The following CFAP54 variants were observed in gnomAD, a reference collection of about 807,000 sequenced individuals.
CFAP54 encodes cilia- and flagella-associated protein 54.
In CFAP54, 290 loss-of-function variants were observed where a neutral mutation model predicts 370.4. The ratio of observed to expected loss-of-function variants is 0.78; its 90% CI spans 0.71 to 0.86. CFAP54 has a LOEUF of 0.86. Among genes scored for constraint, CFAP54 ranks in the 40% least tolerant of loss-of-function variants. The probability of loss-of-function intolerance (pLI) is 0.00; values close to 1 mark genes in which losing one functional copy is unlikely to be tolerated. For missense variants in CFAP54, 3,399 were observed against 3,528.7 expected, an observed-to-expected ratio of 0.96 and a Z score of 0.93; for synonymous variants, 1,206 against 1,236.5, an observed-to-expected ratio of 0.98 and a Z score of 0.52.
At chr12:96,703,731 G>A (rs368264465) in intron 46 of CFAP54, among the ~76,000 whole-genome samples, 1 of 152,014 alleles carries the variant, frequency 6.6e-6, no homozygotes, top group Non-Finnish European at 1.5e-5. Flanking sequence ...AACTGGTAAC[G>A]ATTTTTTTAA....
chr12:96,627,445 C>T (rs948935296), intron 30 of CFAP54, among the ~76,000 whole-genome samples: 2 of 152,192 alleles, frequency 1.3e-5, no homozygotes, highest in African/African-American at 4.8e-5. Flanking sequence ...GTGCTTCACA[C>T]CAATTATGAG....
intron 63 of CFAP54, among the ~76,000 whole-genome samples, chr12:96,796,579 A>G (rs972503287): frequency 6.6e-6 from 1 of 152,132 alleles, no homozygotes; most frequent in Admixed American, 6.5e-5. Flanking sequence ...AAGTGGTGTC[A>G]GTTCTGATTG....
At chr12:96,490,180 C>T (rs909141040) in intron 1 of CFAP54, among the ~76,000 whole-genome samples, 19 of 152,186 alleles carry the variant, frequency 1.2e-4, no homozygotes, top group Non-Finnish European at 2.6e-4. Context: ...TTTCATAACT[C>T]ACCATTTGTT....
chr12:96,715,862 G>T (rs1297539148), intron 48 of CFAP54, among the ~76,000 whole-genome samples: 1 of 151,502 alleles, frequency 6.6e-6, no homozygotes, highest in Non-Finnish European at 1.5e-5. Flanking sequence ...CATATTTTGT[G>T]CCCTTTTTAT....
At chr12:96,537,565 C>G (rs1242005807) in intron 12 of CFAP54, among the ~76,000 whole-genome samples, 1 of 152,108 alleles carries the variant, frequency 6.6e-6, no homozygotes, top group African/African-American at 2.4e-5. Context: ...TGGTCTTGAA[C>G]TCCTGACCTC....
chr12:96,504,865 C>T (rs907022363), intron 3 of CFAP54, among the ~76,000 whole-genome samples: 6 of 152,176 alleles, frequency 3.9e-5, no homozygotes, highest in African/African-American at 1.4e-4. Context: ...TCCTACTCCC[C>T]TTTTTGTAGC....
chr12:96,792,794 T>C (rs996735648), intron 63 of CFAP54, among the ~76,000 whole-genome samples: 31 of 152,172 alleles, frequency 2.0e-4, no homozygotes, highest in African/African-American at 7.2e-4. Context: ...TGTTAAAGAA[T>C]TTTTTTACTG....
chr12:96,834,080 A>C (rs1959178700), intron 66 of CFAP54, among the ~76,000 whole-genome samples: 1 of 152,164 alleles, frequency 6.6e-6, no homozygotes, highest in Admixed American at 6.5e-5. Context: ...TAGGTGTTTT[A>C]CTAGAATAGT....
intron 24 of CFAP54, 67 bp downstream of exon 24, chr12:96,592,704 C>A: frequency 1.8e-6 from 1 of 546,096 alleles, no homozygotes; most frequent in Non-Finnish European, 2.8e-6. Context: ...GTTTTAAGAT[C>A]ATGTTTTTTG....
At chr12:96,865,439 A>G (rs1565767046) in intron 67 of CFAP54, among the ~76,000 whole-genome samples, 1 of 152,202 alleles carries the variant, frequency 6.6e-6, no homozygotes, top group Non-Finnish European at 1.5e-5. Context: ...GCAAAACAAC[A>G]TAATACAGTA....
At chr12:96,604,368 G>A (rs1956278734) in intron 26 of CFAP54, among the ~76,000 whole-genome samples, 1 of 152,166 alleles carries the variant, frequency 6.6e-6, no homozygotes, top group African/African-American at 2.4e-5. Context: ...GTGTCTGTTG[G>A]CCCTACTGGC....
At chr12:96,633,185 T>C (rs77158785) in intron 32 of CFAP54, among the ~76,000 whole-genome samples, 14,871 of 152,240 alleles carry the variant, frequency 0.098, 902 homozygotes, top group Middle Eastern at 0.16. Context: ...AGCCTCTTCT[T>C]TCCTTTTCGT....
In CFAP54 at chr12:96,594,392, T is replaced by TG. The variant is rs1321874095; in HGVS notation, c.3464dup (p.Leu1156ThrfsTer43). Reference sequence around the variant, plus strand: ...CCCTTCAAGCTGTGACTCAATGTTATGGACTTCTTGCTCCCATAATTTATC... The same window carrying TG: ...CCCTTCAAGCTGTGACTCAATGTTATGGGACTTCTTGCTCCCATAATTTATC... On this transcript the variant is annotated frameshift_variant, in exon 25 of 68. Coordinates refer to ENST00000524981, the MANE Select transcript of CFAP54 (RefSeq NM_001306084.2). LOFTEE classifies it high-confidence loss of function. 6.5e-6 allele frequency: 10 copies of TG among 1,534,572 alleles called. No homozygotes were observed. In the African/African-American group the frequency reaches 1.4e-4, roughly 21 times the overall value.
At chr12:96,638,922 T>C in intron 32 of CFAP54, among the ~76,000 whole-genome samples, 1 of 152,238 alleles carries the variant, frequency 6.6e-6, no homozygotes, top group East Asian at 1.9e-4. Context: ...TATTTGTGTC[T>C]CTATTTCCTT....
intron 9 of CFAP54, among the ~76,000 whole-genome samples, chr12:96,530,266 G>T (rs1037717331): frequency 6.6e-6 from 1 of 152,212 alleles, no homozygotes; most frequent in Non-Finnish European, 1.5e-5. Flanking sequence ...AAGACGAGCT[G>T]ATCCCTTGAG....
At chr12:96,612,414 G>A (rs1487247931) in intron 26 of CFAP54, among the ~76,000 whole-genome samples, 2 of 152,192 alleles carry the variant, frequency 1.3e-5, no homozygotes, top group African/African-American at 2.4e-5. Context: ...GGAACAACCA[G>A]TACCAGCCAC....
chr12:96,638,911 G>A (rs1956693112), intron 32 of CFAP54, among the ~76,000 whole-genome samples: 4 of 152,122 alleles, frequency 2.6e-5, no homozygotes, highest in African/African-American at 7.2e-5. Flanking sequence ...ATTAAGAATG[G>A]TATTTGTGTC....
chr12:96,568,494 C>G (rs908281170), intron 19 of CFAP54, among the ~76,000 whole-genome samples: 1 of 152,148 alleles, frequency 6.6e-6, no homozygotes, highest in Non-Finnish European at 1.5e-5. Context: ...GCTTAATGAT[C>G]AGTCCTCAGG....
chr12:96,558,219 G>A (rs888677282), intron 17 of CFAP54, among the ~76,000 whole-genome samples: 3 of 151,924 alleles, frequency 2.0e-5, no homozygotes, highest in Non-Finnish European at 4.4e-5. Context: ...AATATTCAAA[G>A]GTAATTTAAA....
Sources: allele counts gnomAD v4.1 joint callset (sites outside exome capture counted in the v4.1 genomes callset), GRCh38; gene constraint gnomAD v4.1.1; transcripts MANE v1.5; gene names NCBI Gene and HGNC (gene_info 2026-07-23, HGNC 2026-07-21).